Variants in MOSMO observed in about 807,000 individuals in gnomAD.
The protein encoded by MOSMO is modulator of smoothened, also known as modulator of smoothened protein.
MOSMO carries 5 observed loss-of-function variants against 18.4 expected under a neutral mutation model. The observed-to-expected ratio is 0.27, with a 90% CI of 0.14 to 0.57. The LOEUF (loss-of-function observed/expected upper bound fraction) is 0.57. Ranked by LOEUF, MOSMO falls within the 20% of genes least tolerant of loss-of-function variation. The pLI is 0.92. For missense variants in MOSMO, 138 were observed against 211.8 expected (o/e 0.65, Z 2.16); for synonymous variants, 82 against 82.3 (o/e 1.00, Z 0.02).
chr16:22,017,885 A>G (rs920754981), intron 1 of MOSMO, among the ~76,000 whole-genome samples: 1 of 152,176 alleles, frequency 6.6e-6, no homozygotes, highest in African/African-American at 2.4e-5. Flanking sequence ...AGTTGACAAA[A>G]AAAAAGAGCA....
chr16:22,073,619 T>C (rs1480900161), intron 1 of MOSMO, among the ~76,000 whole-genome samples: 1 of 151,904 alleles, frequency 6.6e-6, no homozygotes, highest in African/African-American at 2.4e-5. Context: ...CCCTGGTGCC[T>C]ACTCACCTCT....
At chr16:22,037,757 G>A (rs1378107809) in intron 1 of MOSMO, among the ~76,000 whole-genome samples, 1 of 152,182 alleles carries the variant, frequency 6.6e-6, no homozygotes, top group African/African-American at 2.4e-5. Context: ...GAATACAGAT[G>A]AAGAGATGAA....
intron 1 of MOSMO, among the ~76,000 whole-genome samples, chr16:22,074,621 C>G (rs1427710916): frequency 1.3e-5 from 2 of 152,124 alleles, no homozygotes; most frequent in Non-Finnish European, 2.9e-5. Flanking sequence ...CCTTTCTAAT[C>G]TAAGTTTTTA....
chr16:22,014,209 A>G (rs1282430772), intron 1 of MOSMO, among the ~76,000 whole-genome samples: 1 of 152,162 alleles, frequency 6.6e-6, no homozygotes, highest in Admixed American at 6.5e-5. Context: ...CAGTCAGATG[A>G]AGTCAGTCCT....
At chr16:22,010,892 G>A (rs1443469172) in intron 1 of MOSMO, among the ~76,000 whole-genome samples, 1 of 151,366 alleles carries the variant, frequency 6.6e-6, no homozygotes, top group Admixed American at 6.6e-5. Context: ...CTGCACTCTG[G>A]CCTGGGCGAC....
At chr16:22,089,799 C>A (rs1209845495), downstream of MOSMO, among the ~76,000 whole-genome samples, 1 of 152,068 alleles carries the variant, frequency 6.6e-6, no homozygotes, top group African/African-American at 2.4e-5. Context: ...GCACCAAGGA[C>A]CCACTTTCTC....
intron 1 of MOSMO, among the ~76,000 whole-genome samples, chr16:22,050,539 C>T (rs567788244): frequency 6.6e-6 from 1 of 152,194 alleles, no homozygotes; most frequent in South Asian, 2.1e-4. Flanking sequence ...AGGGATACTG[C>T]TACACATCCT....
downstream of MOSMO, chr16:22,092,525 G>T: frequency 7.2e-7 from 1 of 1,393,404 alleles, no homozygotes; most frequent in Non-Finnish European, 9.8e-7. Context: ...ATTCCCGCAG[G>T]GCAAGCTTCG....
At chr16:22,059,036 A>C (rs1692772691) in intron 1 of MOSMO, among the ~76,000 whole-genome samples, 1 of 152,172 alleles carries the variant, frequency 6.6e-6, no homozygotes, top group Non-Finnish European at 1.5e-5. Context: ...GGTTGTTTTA[A>C]CTGAGACTTT....
At chr16:22,034,744 GTTTTTTTTTTTT>G (rs890874059) in intron 1 of MOSMO, among the ~76,000 whole-genome samples, 6 of 55,458 alleles carry the variant, frequency 1.1e-4, no homozygotes, top group Non-Finnish European at 1.6e-4. Context: ...GTTTTTTTGG[GTTTTTTTTTTTT>G]TTTTTTTTTT....
At chr16:22,028,462 C>T (rs1484091554) in intron 1 of MOSMO, among the ~76,000 whole-genome samples, 1 of 151,328 alleles carries the variant, frequency 6.6e-6, no homozygotes, top group Non-Finnish European at 1.5e-5. Flanking sequence ...AGTTTATTCA[C>T]ATTGTTTTAC....
intron 1 of MOSMO, among the ~76,000 whole-genome samples, chr16:22,035,254 A>G (rs919643007): frequency 2.6e-5 from 4 of 152,136 alleles, no homozygotes; most frequent in African/African-American, 9.7e-5. Context: ...GAGACAGGAA[A>G]GCTAGAGAGG....
chr16:22,054,982 A>G (rs1215733051), intron 1 of MOSMO, among the ~76,000 whole-genome samples: 12 of 148,816 alleles, frequency 8.1e-5, no homozygotes, highest in Non-Finnish European at 1.6e-4. Context: ...TTTTCTTTAC[A>G]TTTATTATGT....
At chr16:22,074,300 T>C (rs1184574807) in intron 1 of MOSMO, among the ~76,000 whole-genome samples, 1 of 152,174 alleles carries the variant, frequency 6.6e-6, no homozygotes, top group African/African-American at 2.4e-5. Flanking sequence ...CCAGGCACAG[T>C]GGCTCACACC....
chr16:22,055,516 G>T (rs905320738), intron 1 of MOSMO, among the ~76,000 whole-genome samples: 3 of 152,128 alleles, frequency 2.0e-5, no homozygotes, highest in Admixed American at 6.6e-5. Context: ...AACTTTTAAA[G>T]GAACTAGCTA....
intron 1 of MOSMO, among the ~76,000 whole-genome samples, chr16:22,008,744 TTA>T (rs1491263909): frequency 1.3e-4 from 2 of 15,842 alleles, no homozygotes; most frequent in Non-Finnish European, 2.1e-4. Context: ...TCGTTCTGGA[TTA>T]AAAAAAAAAA....
At chr16:22,029,978 A>G (rs1305399068) in intron 1 of MOSMO, among the ~76,000 whole-genome samples, 1 of 152,180 alleles carries the variant, frequency 6.6e-6, no homozygotes, top group Non-Finnish European at 1.5e-5. Context: ...AAAATTAATA[A>G]TAGTCTCAAA....
At chr16:22,047,126 CATGAT>C (rs145257862) in intron 1 of MOSMO, among the ~76,000 whole-genome samples, 9,264 of 151,436 alleles carry the variant, frequency 0.061, 896 homozygotes, top group African/African-American at 0.21. Flanking sequence ...AAATGGATCT[CATGAT>C]ATATACTATT....
intron 1 of MOSMO, among the ~76,000 whole-genome samples, chr16:22,041,674 A>ATT (rs1900212201): frequency 1.3e-5 from 2 of 151,876 alleles, no homozygotes; most frequent in Non-Finnish European, 2.9e-5. Flanking sequence ...TTTAATTTTA[A>ATT]CTTTAATTTT....
Sources: allele counts gnomAD v4.1 joint callset (sites outside exome capture counted in the v4.1 genomes callset), GRCh38; gene constraint gnomAD v4.1.1; transcripts MANE v1.5; gene names NCBI Gene and HGNC (gene_info 2026-07-23, HGNC 2026-07-21).